Variants in FOXN3 observed in about 807,000 individuals in gnomAD.
FOXN3 encodes the protein forkhead box N3.
Under a neutral mutation model 38.4 loss-of-function variants are expected in FOXN3, and 7 were observed. That is an observed-to-expected ratio of 0.18 (90% CI 0.10 to 0.34). FOXN3 has a LOEUF of 0.34. FOXN3 is among the 10% of genes least tolerant of loss of function. The pLI, the probability that FOXN3 is intolerant of heterozygous loss-of-function variation, is 1.00. For missense variants in FOXN3, 456 were observed against 613.4 expected (o/e 0.74, Z 2.71); for synonymous variants, 230 against 242.2 (o/e 0.95, Z 0.47).
At chr14:89,362,925 C>G (rs1487528764) in intron 2 of FOXN3, among the ~76,000 whole-genome samples, 2 of 152,074 alleles carry the variant, frequency 1.3e-5, no homozygotes, top group East Asian at 1.9e-4. Flanking sequence ...GGTCCCTGAA[C>G]ACCGCTTGTA....
intron 3 of FOXN3, among the ~76,000 whole-genome samples, chr14:89,291,892 G>A (rs1022319848): frequency 1.3e-5 from 2 of 152,238 alleles, no homozygotes; most frequent in East Asian, 3.9e-4. Context: ...CCTCCCACTA[G>A]ACACCAGTGA....
At chr14:89,471,471 G>A (rs905162093) in intron 1 of FOXN3, among the ~76,000 whole-genome samples, 7 of 152,082 alleles carry the variant, frequency 4.6e-5, no homozygotes, top group African/African-American at 1.7e-4. Context: ...TTAGCCAGGT[G>A]GCACACACCT....
At chr14:89,444,284 CG>C (rs1372384609) in intron 1 of FOXN3, among the ~76,000 whole-genome samples, 7 of 144,844 alleles carry the variant, frequency 4.8e-5, no homozygotes, top group Admixed American at 1.4e-4. Context: ...TTTTGATGGG[CG>C]GGGGCGGTGG....
intron 1 of FOXN3, among the ~76,000 whole-genome samples, chr14:89,480,717 G>C (rs370222076): frequency 3.9e-5 from 6 of 152,158 alleles, no homozygotes; most frequent in African/African-American, 1.4e-4. Flanking sequence ...ACATTATTTG[G>C]TTCCCAGAAC....
chr14:89,214,856 T>A (rs1884220065), intron 4 of FOXN3, among the ~76,000 whole-genome samples: 1 of 152,232 alleles, frequency 6.6e-6, no homozygotes, highest in South Asian at 2.1e-4. Flanking sequence ...AGTAATACAA[T>A]TCCATTTTCT....
intron 1 of FOXN3, among the ~76,000 whole-genome samples, chr14:89,562,060 T>TA (rs1218572313): frequency 6.6e-6 from 1 of 152,164 alleles, no homozygotes; most frequent in African/African-American, 2.4e-5. Flanking sequence ...GGACTTGGTG[T>TA]AAAAAATGTA....
intron 2 of FOXN3, among the ~76,000 whole-genome samples, chr14:89,366,514 A>T (rs1890161529): frequency 6.6e-6 from 1 of 152,234 alleles, no homozygotes; most frequent in African/African-American, 2.4e-5. Context: ...TTTAAAAAAA[A>T]GTTTGAAAGG....
chr14:89,333,966 G>GTATA lies in FOXN3; in HGVS notation c.680+16702_680+16705dup, dbSNP rs71130055. Reference sequence around the variant, plus strand: ...TAAATTAATGAAGAAAATGTGGTGTGTATATATATATATATATATATATAT... The same window carrying GTATA: ...TAAATTAATGAAGAAAATGTGGTGTGTATATATATATATATATATATATATATAT... On this transcript the variant is annotated intron_variant, in intron 3 of 5. Transcript: ENST00000557258. Among the ~76,000 whole-genome samples the GTATA allele has an allele frequency of 1.1e-3, 149 of 131,424 alleles. 1 individual carries two copies. The highest frequency in any genetic ancestry group is 4.0e-3 in the African/African-American group (137 of 34,110). 86.2% of individuals were successfully genotyped at this position (131,424 alleles called of 152,430 possible). A position where few individuals can be genotyped will look rare whatever the true frequency, so the allele number is the denominator to read the frequency against.
At chr14:89,504,043 T>C (rs527533653) in intron 1 of FOXN3, among the ~76,000 whole-genome samples, 1 of 152,212 alleles carries the variant, frequency 6.6e-6, no homozygotes, top group East Asian at 1.9e-4. Flanking sequence ...CTTGTTTGCA[T>C]CCTGGACTAG....
intron 1 of FOXN3, among the ~76,000 whole-genome samples, chr14:89,534,093 A>ATACATTCT (rs1894632612): frequency 1.4e-5 from 2 of 143,626 alleles, no homozygotes; most frequent in African/African-American, 5.2e-5. Flanking sequence ...GAATATAATT[A>ATACATTCT]TACATTCTTT....
intron 4 of FOXN3, among the ~76,000 whole-genome samples, chr14:89,246,701 G>T (rs1050488080): frequency 6.6e-6 from 1 of 151,894 alleles, no homozygotes. Flanking sequence ...ACCACGCCTG[G>T]CTAATTTTTT....
At chr14:89,345,486 A>C (rs1888735329) in intron 3 of FOXN3, among the ~76,000 whole-genome samples, 1 of 152,098 alleles carries the variant, frequency 6.6e-6, no homozygotes, top group South Asian at 2.1e-4. Flanking sequence ...CTGGTATACT[A>C]CTATTTTTTT....
intron 3 of FOXN3, among the ~76,000 whole-genome samples, chr14:89,337,307 C>A (rs373453126): frequency 1.3e-5 from 2 of 152,110 alleles, no homozygotes; most frequent in African/African-American, 4.8e-5. Context: ...AGATTGGGAG[C>A]TGGGAGGAGC....
intron 1 of FOXN3, among the ~76,000 whole-genome samples, chr14:89,457,272 C>T (rs1033737989): frequency 5.9e-5 from 9 of 152,166 alleles, no homozygotes; most frequent in Non-Finnish European, 1.0e-4. Context: ...GGCAGAAAGA[C>T]GCGAAGACCA....
At chr14:89,581,436 C>T (rs142236162) in intron 1 of FOXN3, among the ~76,000 whole-genome samples, 5 of 151,078 alleles carry the variant, frequency 3.3e-5, no homozygotes, top group Non-Finnish European at 7.4e-5. Context: ...GAGCCAAGAT[C>T]GTGCCATTGC....
intron 3 of FOXN3, among the ~76,000 whole-genome samples, chr14:89,302,091 G>A (rs11626107): frequency 0.25 from 38,187 of 152,048 alleles, 4,969 homozygotes; most frequent in Admixed American, 0.34. Flanking sequence ...GGCCAAGTGC[G>A]TTGGTTTTCT....
At position 89,274,961 on chromosome 14, in the gene FOXN3, T is replaced by C. The variant is rs529286662; in HGVS notation, c.745+5989A>G. Among the ~76,000 whole-genome samples the C allele has an allele frequency of 2.4e-4, 36 of 152,322 alleles. No individual in the cohort carries two copies. The Middle Eastern group carries it at 0.01, about 43-fold the overall frequency. On this transcript the variant is annotated intron_variant, in intron 4 of 5. Transcript: ENST00000557258. ...CCACATTCGGAGGATTTTAGCCCTA[T>C]TTTCCTAAGAGTTGCAGTTTTGTAA...
intron 5 of FOXN3, among the ~76,000 whole-genome samples, chr14:89,170,755 CA>C (rs964638298): frequency 1.1e-4 from 16 of 151,850 alleles, no homozygotes; most frequent in Non-Finnish European, 2.2e-4. Flanking sequence ...TGTGGAAATT[CA>C]AAAAACACAT....
intron 3 of FOXN3, among the ~76,000 whole-genome samples, chr14:89,317,682 G>A (rs1355372131): frequency 2.0e-5 from 3 of 151,972 alleles, no homozygotes; most frequent in African/African-American, 4.8e-5. Context: ...ACCTTTGATT[G>A]CAACAATTGA....
Sources: allele counts gnomAD v4.1 joint callset (sites outside exome capture counted in the v4.1 genomes callset), GRCh38; gene constraint gnomAD v4.1.1; transcripts MANE v1.5; gene names NCBI Gene and HGNC (gene_info 2026-07-23, HGNC 2026-07-21).